Variants in RAVER2 observed in about 807,000 individuals in gnomAD.
The protein encoded by RAVER2 is ribonucleoprotein, PTB binding 2, also known as ribonucleoprotein PTB-binding 2.
Under a neutral mutation model 78.1 loss-of-function variants are expected in RAVER2, and 46 were observed. The ratio of observed to expected loss-of-function variants is 0.59; its 90% CI spans 0.46 to 0.75. The LOEUF (loss-of-function observed/expected upper bound fraction) is 0.75. Ranked by LOEUF, RAVER2 falls within the 30% of genes least tolerant of loss-of-function variation. The pLI is 0.00. For synonymous variants in RAVER2, 311 were observed against 313.3 expected, an observed-to-expected ratio of 0.99 and a Z score of 0.08; for missense variants, 793 against 837.5, an observed-to-expected ratio of 0.95 and a Z score of 0.66.
chr1:64,817,697 G>C (rs1260218351), intron 11 of RAVER2, among the ~76,000 whole-genome samples: 1 of 146,320 alleles, frequency 6.8e-6, no homozygotes, highest in Non-Finnish European at 1.5e-5. Flanking sequence ...GGTGAGAATT[G>C]AACAATGAGA....
intron 4 of RAVER2, among the ~76,000 whole-genome samples, chr1:64,786,029 A>G (rs1032952781): frequency 2.6e-5 from 4 of 152,220 alleles, no homozygotes; most frequent in Non-Finnish European, 5.9e-5. Flanking sequence ...GTGATACTAA[A>G]TAACTTAGAT....
intron 1 of RAVER2, among the ~76,000 whole-genome samples, chr1:64,759,871 A>G (rs1035964960): frequency 1.4e-4 from 21 of 152,172 alleles, no homozygotes; most frequent in African/African-American, 5.1e-4. Context: ...ATGTCGTAAA[A>G]TAATCTCAGA....
chr1:64,780,926 A>G (rs1652608407), intron 3 of RAVER2, among the ~76,000 whole-genome samples: 1 of 152,226 alleles, frequency 6.6e-6, no homozygotes, highest in South Asian at 2.1e-4. Flanking sequence ...ATAGTGAAAT[A>G]AAAATGAAAT....
At chr1:64,756,020 C>T (rs1052792365) in intron 1 of RAVER2, among the ~76,000 whole-genome samples, 1 of 152,076 alleles carries the variant, frequency 6.6e-6, no homozygotes, top group African/African-American at 2.4e-5. Flanking sequence ...TCCTCAGATG[C>T]ATTTAAGCTT....
chr1:64,774,317 C>T (rs199624966), intron 2 of RAVER2, among the ~76,000 whole-genome samples: 1 of 152,080 alleles, frequency 6.6e-6, no homozygotes, highest in Non-Finnish European at 1.5e-5. Flanking sequence ...TTAGGTCTTA[C>T]GTTTAAGTCT....
At chr1:64,791,720 C>T (rs1318877851) in intron 5 of RAVER2, among the ~76,000 whole-genome samples, 2 of 152,140 alleles carry the variant, frequency 1.3e-5, no homozygotes, top group African/African-American at 4.8e-5. Context: ...ATTAGAAGCT[C>T]ATTACTTCCC....
At chr1:64,780,884 A>G (rs1652607530) in intron 3 of RAVER2, among the ~76,000 whole-genome samples, 1 of 152,238 alleles carries the variant, frequency 6.6e-6, no homozygotes, top group Non-Finnish European at 1.5e-5. Context: ...TTGCCTGGGT[A>G]TACTTGACTA....
intron 1 of RAVER2, among the ~76,000 whole-genome samples, chr1:64,752,726 T>G (rs2100802655): frequency 6.6e-6 from 1 of 152,308 alleles, no homozygotes; most frequent in African/African-American, 2.4e-5. Context: ...GGCAATAACC[T>G]GGACCAAAGC....
chr1:64,751,790 TAAAA>T (rs1335206120), intron 1 of RAVER2, among the ~76,000 whole-genome samples: 1 of 151,942 alleles, frequency 6.6e-6, no homozygotes, highest in Non-Finnish European at 1.5e-5. Context: ...TTAATTTTTT[TAAAA>T]AAAGCTTTAT....
intron 2 of RAVER2, among the ~76,000 whole-genome samples, chr1:64,771,318 A>G (rs942326500): frequency 5.3e-5 from 8 of 152,044 alleles, no homozygotes; most frequent in African/African-American, 1.7e-4. Flanking sequence ...TTCTTAACCT[A>G]TTGAAAATAT....
At chr1:64,814,864 G>T in intron 11 of RAVER2, 24 bp downstream of exon 11, 1 of 1,511,754 alleles carries the variant, frequency 6.6e-7, no homozygotes, top group Non-Finnish European at 8.9e-7. Context: ...AGGTTCTGAT[G>T]ATACTCAGAA....
intron 1 of RAVER2, among the ~76,000 whole-genome samples, chr1:64,753,320 G>A (rs1651751489): frequency 6.6e-6 from 1 of 151,922 alleles, no homozygotes; most frequent in Non-Finnish European, 1.5e-5. Context: ...CTCCCAAACT[G>A]TTGGGATTAT....
chr1:64,804,950 T>C, intron 7 of RAVER2, 41 bp from the exon 8 acceptor site: 1 of 1,584,706 alleles, frequency 6.3e-7, no homozygotes, highest in Non-Finnish European at 8.6e-7. Context: ...TTAGGTTATA[T>C]CTTATGGCCA....
At chr1:64,750,943 C>T (rs1402323597) in intron 1 of RAVER2, among the ~76,000 whole-genome samples, 8 of 152,184 alleles carry the variant, frequency 5.3e-5, no homozygotes, top group Admixed American at 5.2e-4. Context: ...GGGAAATGTA[C>T]TTCTAGATTT....
intron 11 of RAVER2, among the ~76,000 whole-genome samples, chr1:64,824,052 C>T (rs1471524300): frequency 6.6e-6 from 1 of 152,186 alleles, no homozygotes; most frequent in African/African-American, 2.4e-5. Flanking sequence ...AGTGATCTGC[C>T]TGCCTTGGTC....
At chr1:64,766,007 G>A (rs1252541495) in intron 1 of RAVER2, among the ~76,000 whole-genome samples, 2 of 152,094 alleles carry the variant, frequency 1.3e-5, no homozygotes, top group African/African-American at 4.8e-5. Flanking sequence ...TAACTTTTTT[G>A]TTGAGGGTGG....
At chr1:64,830,730 T>C (rs530717034) in intron 11 of RAVER2, 109 bp from the exon 12 acceptor site, 2 of 1,002,136 alleles carry the variant, frequency 2.0e-6, no homozygotes, top group East Asian at 5.1e-5. Flanking sequence ...GTATTTATCC[T>C]GTTATTCTAT....
At chr1:64,766,689 A>G (rs1446738655) in intron 1 of RAVER2, among the ~76,000 whole-genome samples, 1 of 152,184 alleles carries the variant, frequency 6.6e-6, no homozygotes, top group East Asian at 1.9e-4. Context: ...TAATGTGAAG[A>G]GCAGTATCAT....
At position 64,745,177 on chromosome 1, in the gene RAVER2, C is replaced by CGGCGGCGGCGGGA. The variant is rs1553150746; in HGVS notation, c.7_19dup (p.Asp7GlyfsTer50). 9.9e-7 allele frequency: 1 copy of CGGCGGCGGCGGGA among 1,010,592 alleles called. No individual in the cohort carries two copies. Among genetic ancestry groups the CGGCGGCGGCGGGA allele is most frequent in the Non-Finnish European group, 1.2e-6 (1 of 847,954 alleles). 62.6% of individuals were successfully genotyped at this position (1,010,592 alleles called of 1,614,324 possible). The stretch of plus-strand genomic sequence containing the variant: ...AGCCGCTGGGCGCCCGGGAAGATGG[C>CGGCGGCGGCGGGA]GGCGGCGGCGGGAGACGGCGGCGGC... On this transcript the variant is annotated frameshift_variant, in exon 1 of 12. Transcript: ENST00000294428. LOFTEE classifies it high-confidence loss of function. This position sits in a 1 kb window ranked among gnomAD's most constrained non-coding sequence, Gnocchi z 4.3.
Sources: allele counts gnomAD v4.1 joint callset (sites outside exome capture counted in the v4.1 genomes callset), GRCh38; gene constraint gnomAD v4.1.1; non-coding constraint Gnocchi (gnomAD v3.1); transcripts MANE v1.5; gene names NCBI Gene and HGNC (gene_info 2026-07-23, HGNC 2026-07-21).